Variants in FBXO42 observed in about 807,000 individuals in gnomAD.
FBXO42 encodes the protein F-box only protein 42.
Under a neutral mutation model 71.7 loss-of-function variants are expected in FBXO42, and 12 were observed. The ratio of observed to expected loss-of-function variants is 0.17; its 90% CI spans 0.11 to 0.27. The LOEUF is 0.27. Among genes scored for constraint, FBXO42 ranks in the 10% least tolerant of loss-of-function variants. FBXO42 has a pLI of 1.00. For synonymous variants in FBXO42, 325 were observed against 327.5 expected, an observed-to-expected ratio of 0.99 and a Z score of 0.08; for missense variants, 707 against 911.9, an observed-to-expected ratio of 0.78 and a Z score of 2.89.
At chr1:16,299,639 AATTATT>A (rs1012569825) in intron 3 of FBXO42, among the ~76,000 whole-genome samples, 2 of 151,880 alleles carry the variant, frequency 1.3e-5, no homozygotes, top group East Asian at 1.9e-4. Flanking sequence ...TAATACGCTT[AATTATT>A]ATTATTATTA....
chr1:16,294,756 G>A (rs757273012), intron 4 of FBXO42, 27 bp downstream of exon 4: 3 of 1,610,160 alleles, frequency 1.9e-6, no homozygotes. Context: ...CTGGTAAGGA[G>A]GCAAAGATCA....
chr1:16,350,753 A>AGAAGAAAGAAAGAAAGAAAGAAAG, intron 1 of FBXO42, among the ~76,000 whole-genome samples: 1 of 28,870 alleles, frequency 3.5e-5, no homozygotes, highest in Non-Finnish European at 6.3e-5. Flanking sequence ...CAAAAAAAAA[A>AGAAGAAAGAAAGAAAGAAAGAAAG]AAAAAAAGAA....
Position 16,251,189 on chromosome 1 carries a change from A to G in FBXO42, c.1635T>C (p.Ser545=), listed in dbSNP as rs1437498747. The change falls in exon 10 of 10, where the codon AGT becomes AGC. Residue 545 remains serine (S), a synonymous_variant. Transcript: ENST00000375592. This position sits in a 1 kb window ranked among gnomAD's most constrained non-coding sequence, Gnocchi z 4.5. The part of the protein sequence containing the change: ...NGVHTPPHVA[S]ALAGAVSPGA... ...CTGGGGAGACGGCCCCTGCAAGGGC[A>G]CTGGCCACGTGAGGTGGGGTATGCA... The G allele has an allele frequency of 6.2e-7, 1 of 1,614,006 alleles. No homozygotes were observed. The highest frequency in any genetic ancestry group is 1.3e-5 in the African/African-American group (1 of 74,926).
intron 4 of FBXO42, among the ~76,000 whole-genome samples, chr1:16,291,854 T>C (rs1025070815): frequency 6.6e-6 from 1 of 152,184 alleles, no homozygotes; most frequent in Non-Finnish European, 1.5e-5. Flanking sequence ...AATTGTTTTG[T>C]AGAGACAGGG....
intron 1 of FBXO42, among the ~76,000 whole-genome samples, chr1:16,351,220 G>A (rs1381740620): frequency 6.6e-6 from 1 of 152,152 alleles, no homozygotes; most frequent in Non-Finnish European, 1.5e-5. Context: ...GTTCAGTGAA[G>A]CCATCATTCC....
At position 16,323,794 on chromosome 1, in the gene FBXO42, CAAAAAAA is replaced by C. The variant is rs1158421632; in HGVS notation, c.-17-8366_-17-8360del. On this transcript the variant is annotated intron_variant, in intron 1 of 9. Coordinates refer to ENST00000375592, the MANE Select transcript of FBXO42 (RefSeq NM_018994.3). Reference sequence around the variant, plus strand: ...GAGGTGACAAAGCAAGACTCTGTCTCAAAAAAAAAAAAAAAAAAAAAAAAGAATAAGG... The same window carrying C: ...GAGGTGACAAAGCAAGACTCTGTCTCAAAAAAAAAAAAAAAAAGAATAAGG... Among the ~76,000 whole-genome samples the C allele has an allele frequency of 9.7e-3, 612 of 63,258 alleles. 7 individuals carry two copies. The highest frequency in any genetic ancestry group is 0.04 in the African/African-American group (581 of 14,382). The allele number at this position is 63,258 out of a possible 152,430, so 41.5% of individuals were successfully genotyped here. A position where few individuals can be genotyped will look rare whatever the true frequency, so the allele number is the denominator to read the frequency against.
At chr1:16,310,504 G>A (rs1040945871) in intron 2 of FBXO42, among the ~76,000 whole-genome samples, 3 of 152,112 alleles carry the variant, frequency 2.0e-5, no homozygotes, top group South Asian at 2.1e-4. Context: ...AGACTCCAGC[G>A]TGGGTGACAA....
intron 1 of FBXO42, among the ~76,000 whole-genome samples, chr1:16,333,310 C>T (rs2082519660): frequency 6.6e-6 from 1 of 151,958 alleles, no homozygotes; most frequent in Admixed American, 6.6e-5. Context: ...AACCACTTGC[C>T]TAATTAAAAC....
At chr1:16,285,480 G>C (rs1335392930) in intron 4 of FBXO42, among the ~76,000 whole-genome samples, 1 of 151,920 alleles carries the variant, frequency 6.6e-6, no homozygotes, top group Non-Finnish European at 1.5e-5. Context: ...CACCATGTTG[G>C]TCAGGTTGGT....
At chr1:16,282,177 G>A (rs2081971021) in intron 4 of FBXO42, among the ~76,000 whole-genome samples, 1 of 151,612 alleles carries the variant, frequency 6.6e-6, no homozygotes, top group South Asian at 2.1e-4. Flanking sequence ...AGGGCTCCAG[G>A]ATTTCAAAAT....
intron 1 of FBXO42, among the ~76,000 whole-genome samples, chr1:16,324,873 T>C (rs542855716): frequency 6.6e-6 from 1 of 151,848 alleles, no homozygotes; most frequent in Admixed American, 6.6e-5. Context: ...GAGAATAAAA[T>C]TGGGGAAGGT....
intron 3 of FBXO42, among the ~76,000 whole-genome samples, chr1:16,295,162 A>C (rs1354853971): frequency 1.3e-5 from 2 of 152,210 alleles, no homozygotes; most frequent in African/African-American, 4.8e-5. Context: ...ATGATGTAAC[A>C]GTGTAAGTCC....
At chr1:16,298,173 C>T (rs2082152077) in intron 3 of FBXO42, among the ~76,000 whole-genome samples, 1 of 152,114 alleles carries the variant, frequency 6.6e-6, no homozygotes, top group African/African-American at 2.4e-5. Flanking sequence ...TTGCAGCGAG[C>T]TGAGATTGCG....
At chr1:16,308,162 A>G (rs147473940) in intron 2 of FBXO42, among the ~76,000 whole-genome samples, 1 of 152,206 alleles carries the variant, frequency 6.6e-6, no homozygotes, top group East Asian at 1.9e-4. Flanking sequence ...TTTTTTTTTA[A>G]TAGAGGTGGG....
At chr1:16,297,391 A>C (rs2082141073) in intron 3 of FBXO42, among the ~76,000 whole-genome samples, 1 of 152,182 alleles carries the variant, frequency 6.6e-6, no homozygotes, top group Admixed American at 6.6e-5. Flanking sequence ...AATCTCAGTC[A>C]GTGGAAGGGT....
At chr1:16,259,323 A>G (rs10489599) in intron 4 of FBXO42, among the ~76,000 whole-genome samples, 41,503 of 152,146 alleles carry the variant, frequency 0.27, 6,555 homozygotes, top group Non-Finnish European at 0.37. Flanking sequence ...CTTGGAAATC[A>G]TCAGTACTAT....
At chr1:16,315,499 T>C in intron 1 of FBXO42, 64 bp from the exon 2 acceptor site, 9 of 1,506,812 alleles carry the variant, frequency 6.0e-6, no homozygotes, top group Middle Eastern at 1.8e-4. Context: ...AATTCAGGCA[T>C]GTACATCCAA....
chr1:16,274,869 C>T (rs972578489), intron 4 of FBXO42, among the ~76,000 whole-genome samples: 11 of 151,936 alleles, frequency 7.2e-5, no homozygotes, highest in Admixed American at 2.6e-4. Context: ...GGATTACAGG[C>T]GTGAGCCACC....
intron 1 of FBXO42, among the ~76,000 whole-genome samples, chr1:16,349,806 G>A (rs774296906): frequency 1.3e-5 from 2 of 152,178 alleles, no homozygotes; most frequent in Non-Finnish European, 2.9e-5. Context: ...AGGTTGCAGT[G>A]AGCCGAGATC....
Sources: gnomAD v4.1 joint callset for allele counts (sites outside exome capture counted in the v4.1 genomes callset) on GRCh38, gnomAD v4.1.1 for gene constraint, Gnocchi (gnomAD v3.1) non-coding constraint, MANE v1.5 for transcripts, NCBI Gene and HGNC (gene_info 2026-07-23, HGNC 2026-07-21) for gene names.